Variants in MCM5 observed in about 807,000 individuals in gnomAD.
MCM5 encodes the protein minichromosome maintenance complex component 5, also known as DNA replication licensing factor MCM5.
A neutral mutation model predicts 79.9 loss-of-function variants in MCM5; 46 were observed. That is an observed-to-expected ratio of 0.58 (90% CI 0.45 to 0.74). The LOEUF is 0.74. Among genes scored for constraint, MCM5 ranks in the 30% least tolerant of loss-of-function variants. The probability of loss-of-function intolerance (pLI) is 0.00; values close to 1 mark genes in which losing one functional copy is unlikely to be tolerated. For missense variants in MCM5, 883 were observed against 1,017.0 expected (o/e 0.87, Z 1.79); for synonymous variants, 404 against 390.5 (o/e 1.03, Z -0.41).
At position 35,403,342 on chromosome 22, in the gene MCM5, G is replaced by A. The variant is rs762728173; in HGVS notation, c.294+9G>A. 1 of 1,614,118 alleles carries A rather than the reference G, an allele frequency of 6.2e-7. No homozygotes were observed. The highest frequency in any genetic ancestry group is 8.5e-7 in the Non-Finnish European group (1 of 1,180,018). ...CCGAGCACCTGCAGCTGGTGAGTGG[G>A]ACCCCATCCCTGAGCTTCCCAGGGC... On this transcript the variant is annotated intron_variant, in intron 3 of 16. Coordinates refer to ENST00000216122, the MANE Select transcript of MCM5 (RefSeq NM_006739.4).
chr22:35,413,967 A>G lies in MCM5; in HGVS notation c.1184A>G (p.Glu395Gly). 6.2e-7 allele frequency: 1 copy of G among 1,613,888 alleles called. No homozygotes were observed. The highest frequency in any genetic ancestry group is 8.5e-7 in the Non-Finnish European group (1 of 1,179,772). The change falls in exon 9 of 17, where the codon GAG becomes GGG. Residue 395 changes from glutamate (E) to glycine (G), a missense_variant. Glu to Gly is a moderately conservative substitution (Grantham distance 98). Around this residue, in one of 3 missense-constraint regions of MCM5, gnomAD observed 426 missense variants for 482.3 expected, o/e 0.88. Transcript: ENST00000216122. The part of the protein sequence containing the change: ...TAKSQLLKFV[E>G]KCSPIGVYTS... ...AAGTCCCAGCTTCTGAAGTTTGTGG[A>G]GAAGTGTTCTCCCATTGGGGTGAGT...
chr22:35,448,242 A>T, the MCM5 span, among the ~76,000 whole-genome samples: 1 of 152,230 alleles, frequency 6.6e-6, no homozygotes, highest in Non-Finnish European at 1.5e-5. Flanking sequence ...TGAGGATCGA[A>T]CGAAGAGAGC....
the MCM5 span, among the ~76,000 whole-genome samples, chr22:35,448,365 TTCCCCACTGGCCCCCTCTGCAGAGTCC>T: frequency 0.037 from 5,684 of 152,096 alleles, 307 homozygotes; most frequent in African/African-American, 0.12. Context: ...TGGTGGGAGC[TTCCCCACTGGCCCCCTCTGCAGAGTCC>T]TCCCCACTGC....
chr22:35,454,125 C>T, the MCM5 span, among the ~76,000 whole-genome samples: 159 of 151,880 alleles, frequency 1.0e-3, no homozygotes, highest in African/African-American at 2.9e-3. Flanking sequence ...TGTGTGAGGT[C>T]GGTGCTGGGA....
chr22:35,420,127 AG>A, intron 14 of MCM5, 115 bp downstream of exon 14: 2 of 1,235,780 alleles, frequency 1.6e-6, no homozygotes, highest in Non-Finnish European at 2.2e-6. Context: ...GGCCCATAGT[AG>A]CTCTGGGCAG....
rs956123297 is a variant in MCM5, at chr22:35,410,821, C to A, written c.830C>A (p.Thr277Asn). ...TACTCCATCAAGAAGTTTGGCCTGA[C>A]TACCAGCAGGGGCCGTGACAGGGTG... ...GIYSIKKFGLTTSRGRDRVGV... is the reference protein window; with the variant it reads ...GIYSIKKFGLNTSRGRDRVGV... Residue 277 changes from threonine to asparagine, a missense_variant, in exon 7 of 17, where the codon ACT becomes AAT. Thr to Asn is a moderately conservative substitution (Grantham distance 65). Coordinates refer to ENST00000216122, the MANE Select transcript of MCM5 (RefSeq NM_006739.4). 3 of 1,614,112 alleles carry A rather than the reference C, an allele frequency of 1.9e-6. No homozygotes were observed. The Admixed American group carries it at 5.0e-5, about 27-fold the overall frequency.
At chr22:35,452,347 C>T in the MCM5 span, among the ~76,000 whole-genome samples, 30,375 of 151,918 alleles carry the variant, frequency 0.2, 3,429 homozygotes, top group African/African-American at 0.31. Flanking sequence ...ACCCTGGAAC[C>T]GTGTGGTGTT....
the MCM5 span, among the ~76,000 whole-genome samples, chr22:35,434,095 G>A: frequency 1.3e-5 from 2 of 152,146 alleles, no homozygotes; most frequent in Admixed American, 1.3e-4. Flanking sequence ...TTTGCTGTGT[G>A]GATGGTGGTA....
chr22:35,431,356 C>T, the MCM5 span, among the ~76,000 whole-genome samples: 1 of 152,222 alleles, frequency 6.6e-6, no homozygotes, highest in Non-Finnish European at 1.5e-5. Flanking sequence ...ACCCCCGAAT[C>T]TTTGCCAGCA....
At chr22:35,434,069 G>A in the MCM5 span, among the ~76,000 whole-genome samples, 1 of 152,210 alleles carries the variant, frequency 6.6e-6, no homozygotes, top group South Asian at 2.1e-4. Flanking sequence ...AGGGCATGGA[G>A]CATCCAAGCA....
the MCM5 span, among the ~76,000 whole-genome samples, chr22:35,440,060 CTCG>C: frequency 1.3e-5 from 2 of 152,250 alleles, no homozygotes; most frequent in Non-Finnish European, 2.9e-5. Flanking sequence ...TTCCATTTCT[CTCG>C]TCCAAATTCA....
chr22:35,439,672 CTT>C, the MCM5 span, among the ~76,000 whole-genome samples: 1 of 152,198 alleles, frequency 6.6e-6, no homozygotes, highest in African/African-American at 2.4e-5. Flanking sequence ...CCCACTCTGT[CTT>C]TTAGGGAAGA....
chr22:35,453,516 A>G, the MCM5 span, among the ~76,000 whole-genome samples: 15 of 135,406 alleles, frequency 1.1e-4, no homozygotes, highest in Middle Eastern at 3.8e-3. Context: ...GGGGTAGAGC[A>G]TCAGAGACAG....
intron 10 of MCM5, 118 bp from the exon 11 acceptor site, chr22:35,416,221 T>C: frequency 4.6e-6 from 5 of 1,078,762 alleles, no homozygotes; most frequent in Admixed American, 1.8e-5. Flanking sequence ...GTTGCTGCCA[T>C]TGGCCTTGCG....
Position 35,423,265 on chromosome 22 carries a change from A to G in MCM5, c.2027A>G (p.Glu676Gly), listed in dbSNP as rs201707560. ...QEDQEMLSRIEKQLKRRFAIG... is the reference protein window; with the variant it reads ...QEDQEMLSRIGKQLKRRFAIG... ...GACCAGGAGATGCTGAGCCGCATCG[A>G]GAAGCAGCTCAAGCGCCGCTTTGCC... The change falls in exon 16 of 17, where the codon GAG becomes GGG. Residue 676 changes from glutamate (E) to glycine (G), a missense_variant. Transcript: ENST00000216122. 143 of 1,606,492 alleles carry G rather than the reference A, an allele frequency of 8.9e-5. No individual in the cohort carries two copies. Among genetic ancestry groups the G allele is most frequent in the Non-Finnish European group, 1.2e-4 (139 of 1,175,398 alleles).
chr22:35,432,793 A>G, the MCM5 span, among the ~76,000 whole-genome samples: 1 of 150,654 alleles, frequency 6.6e-6, no homozygotes, highest in African/African-American at 2.4e-5. Context: ...GTGTGAGGCT[A>G]GAGATGGGAG....
chr22:35,413,491 G>A (rs1932448386), intron 8 of MCM5, among the ~76,000 whole-genome samples: 1 of 152,178 alleles, frequency 6.6e-6, no homozygotes, highest in Non-Finnish European at 1.5e-5. Context: ...ACATGCAGGG[G>A]AGCCAGGAGC....
At chr22:35,450,533 C>T in the MCM5 span, among the ~76,000 whole-genome samples, 1 of 152,164 alleles carries the variant, frequency 6.6e-6, no homozygotes, top group Non-Finnish European at 1.5e-5. Context: ...CTGGTTTCTA[C>T]GTTGCCACCC....
intron 6 of MCM5, chr22:35,410,498 A>G (rs539284620): frequency 3.1e-5 from 15 of 481,610 alleles, no homozygotes; most frequent in African/African-American, 2.9e-4. Context: ...TCAGGCCACC[A>G]CCTGCCTTTC....
Sources: allele counts gnomAD v4.1 joint callset (sites outside exome capture counted in the v4.1 genomes callset), GRCh38; gene constraint gnomAD v4.1.1; regional missense constraint gnomAD v4.1.1; transcripts MANE v1.5; gene names NCBI Gene and HGNC (gene_info 2026-07-23, HGNC 2026-07-21).